TCF4: variants seen among roughly 807,000 people sequenced by gnomAD.
The protein encoded by TCF4 is SL3-3 enhancer factor 2.
A neutral mutation model predicts 82.1 loss-of-function variants in TCF4; 3 were observed. That is an observed-to-expected ratio of 0.04 (90% CI 0.02 to 0.09). TCF4 has a LOEUF of 0.09. TCF4 is among the 10% of genes least tolerant of loss of function. TCF4 has a pLI of 1.00. For missense variants in TCF4, 518 were observed against 852.7 expected, an observed-to-expected ratio of 0.61 and a Z score of 4.89; for synonymous variants, 276 against 309.6, an observed-to-expected ratio of 0.89 and a Z score of 1.14.
intron 5 of TCF4, among the ~76,000 whole-genome samples, chr18:55,440,879 T>C (rs937813208): frequency 1.2e-4 from 18 of 152,184 alleles, no homozygotes; most frequent in African/African-American, 4.1e-4. Flanking sequence ...GGGGTGTCTG[T>C]TTATTGGATT....
chr18:55,227,847 T>A lies in TCF4; in HGVS notation c.*188A>T, dbSNP rs1317831273. ...AGTTGCACTTTTTTCTTTCTTTTTT[T>A]TGTTTTTCTGTTTTTTGATAATTGG... On this transcript the variant is annotated 3_prime_UTR_variant, in exon 20 of 20. Coordinates refer to ENST00000354452, the MANE Select transcript of TCF4 (RefSeq NM_001083962.2). The A allele has an allele frequency of 4.2e-6, 1 of 240,476 alleles. No homozygotes were observed. The highest frequency in any genetic ancestry group is 8.2e-6 in the Non-Finnish European group (1 of 121,892). 14.9% of individuals were successfully genotyped at this position (240,476 alleles called of 1,614,324 possible).
At chr18:55,325,619 C>T (rs565586922) in intron 8 of TCF4, among the ~76,000 whole-genome samples, 15 of 152,248 alleles carry the variant, frequency 9.9e-5, no homozygotes, top group African/African-American at 3.1e-4. Context: ...TTTCTCCTCC[C>T]GAATATAACT....
intron 5 of TCF4, among the ~76,000 whole-genome samples, chr18:55,437,402 TTC>T (rs778267309): frequency 6.6e-6 from 1 of 152,170 alleles, no homozygotes; most frequent in African/African-American, 2.4e-5. Context: ...TTTCAGCCCA[TTC>T]TCTCTCTCAA....
chr18:55,582,001 G>C (rs2147791395), intron 3 of TCF4, among the ~76,000 whole-genome samples: 1 of 152,206 alleles, frequency 6.6e-6, no homozygotes, highest in East Asian at 1.9e-4. Flanking sequence ...GATGTGACCA[G>C]ACCTGATCTA....
chr18:55,334,609 T>G lies in TCF4; in HGVS notation c.549+15750A>C, dbSNP rs550587266. On this transcript the variant is annotated intron_variant, in intron 8 of 19. Coordinates refer to ENST00000354452, the MANE Select transcript of TCF4 (RefSeq NM_001083962.2). ...GCCTTCACCTTTCTAGAAATGAGAG[T>G]ATATGCTTCAAAATAATAATTCAAA... 1.9e-4 allele frequency among the ~76,000 whole-genome samples: 29 copies of G among 152,210 alleles called. 2 individuals carry two copies. In the South Asian group the frequency reaches 5.4e-3, roughly 28 times the overall value.
upstream of TCF4, chr18:55,588,353 C>T (rs2097673103): frequency 2.0e-6 from 3 of 1,496,272 alleles, no homozygotes; most frequent in South Asian, 2.6e-5. Context: ...ACGCGACTTG[C>T]TCCGGGTCGG....
At chr18:55,380,345 G>A (rs1055958933) in intron 6 of TCF4, among the ~76,000 whole-genome samples, 5 of 151,510 alleles carry the variant, frequency 3.3e-5, no homozygotes, top group Admixed American at 1.3e-4. Flanking sequence ...GGGTATACAC[G>A]TGCCATGGTG....
At chr18:55,537,934 G>A (rs1258513001) in intron 3 of TCF4, among the ~76,000 whole-genome samples, 3 of 151,672 alleles carry the variant, frequency 2.0e-5, no homozygotes, top group African/African-American at 7.3e-5. Flanking sequence ...TGCTCCTATC[G>A]TACATGGTGA....
At chr18:55,567,689 G>A (rs1185722427) in intron 3 of TCF4, among the ~76,000 whole-genome samples, 1 of 151,942 alleles carries the variant, frequency 6.6e-6, no homozygotes, top group Non-Finnish European at 1.5e-5. Context: ...CTCCAGCCTG[G>A]GAGACAGAGC....
chr18:55,275,275 G>GAAAAAAA (rs533160424), intron 10 of TCF4, among the ~76,000 whole-genome samples: 3 of 71,354 alleles, frequency 4.2e-5, no homozygotes, highest in East Asian at 4.7e-4. Context: ...ACTACAGATA[G>GAAAAAAA]AAAAAAAAAA....
At position 55,227,512 on chromosome 18, in the gene TCF4, G is replaced by A. The variant is rs1377168350; in HGVS notation, c.*523C>T. On this transcript the variant is annotated 3_prime_UTR_variant, in exon 20 of 20. Coordinates refer to ENST00000354452, the MANE Select transcript of TCF4 (RefSeq NM_001083962.2). The stretch of plus-strand genomic sequence containing the variant: ...GTTTGCTGGTTTTGTTACTAGGGCA[G>A]CCGAGCTTCCCCTAATTCAATATCC... The A allele has an allele frequency of 6.6e-6, 1 of 152,194 alleles. No homozygotes were observed. Among genetic ancestry groups the A allele is most frequent in the Non-Finnish European group, 1.5e-5 (1 of 67,996 alleles). 9.4% of individuals were successfully genotyped at this position (152,194 alleles called of 1,614,324 possible).
At position 55,451,205 on chromosome 18, in the gene TCF4, T is replaced by C. The variant is rs766156750; in HGVS notation, c.304+9814A>G. Among the ~76,000 whole-genome samples, 6 of 152,196 alleles carry C rather than the reference T, an allele frequency of 3.9e-5. No individual in the cohort carries two copies. The East Asian group carries it at 9.6e-4, about 24-fold the overall frequency. ...CTACCACCCAAAACCCCAAAGTCTATAGATTTTTCCATTCATTACCCAGAC... is the reference window on the plus strand; with the variant it reads ...CTACCACCCAAAACCCCAAAGTCTACAGATTTTTCCATTCATTACCCAGAC... On this transcript the variant is annotated intron_variant, in intron 5 of 19. Transcript: ENST00000354452.
intron 8 of TCF4, among the ~76,000 whole-genome samples, chr18:55,300,605 T>C (rs557400619): frequency 6.2e-4 from 95 of 152,240 alleles, no homozygotes; most frequent in African/African-American, 2.2e-3. Flanking sequence ...TTCTTCCAGA[T>C]CTTTCTCACA....
At chr18:55,432,193 C>T (rs1313726413) in intron 5 of TCF4, among the ~76,000 whole-genome samples, 1 of 152,158 alleles carries the variant, frequency 6.6e-6, no homozygotes, top group Non-Finnish European at 1.5e-5. Flanking sequence ...GTCCCAGCCA[C>T]TTGGGTGGCT....
At chr18:55,298,103 T>A (rs752023383) in intron 8 of TCF4, among the ~76,000 whole-genome samples, 2 of 152,180 alleles carry the variant, frequency 1.3e-5, no homozygotes, top group African/African-American at 4.8e-5. Flanking sequence ...GCAAACCAAA[T>A]TGATGTTGGG....
chr18:55,297,775 A>C (rs1035302400), intron 8 of TCF4, among the ~76,000 whole-genome samples: 13 of 152,094 alleles, frequency 8.5e-5, no homozygotes, highest in African/African-American at 3.1e-4. Context: ...ACAAAAAAAG[A>C]AGCAAACAAA....
chr18:55,390,349 A>C (rs771446849), intron 6 of TCF4, among the ~76,000 whole-genome samples: 2 of 139,414 alleles, frequency 1.4e-5, no homozygotes. Flanking sequence ...CTAAGGCCTC[A>C]TGGTTACTAT....
chr18:55,593,623 A>T (rs1330758494), upstream of TCF4, among the ~76,000 whole-genome samples: 1 of 152,224 alleles, frequency 6.6e-6, no homozygotes, highest in Non-Finnish European at 1.5e-5. Flanking sequence ...GTAATCCAGA[A>T]TGCCCTACCA....
At chr18:55,456,882 TA>T (rs2095767180) in intron 5 of TCF4, among the ~76,000 whole-genome samples, 1 of 152,160 alleles carries the variant, frequency 6.6e-6, no homozygotes, top group African/African-American at 2.4e-5. Context: ...TCAAATTGTT[TA>T]AAAACTGCAA....
Sources: allele counts gnomAD v4.1 joint callset (sites outside exome capture counted in the v4.1 genomes callset), GRCh38; gene constraint gnomAD v4.1.1; transcripts MANE v1.5; gene names NCBI Gene and HGNC (gene_info 2026-07-23, HGNC 2026-07-21).